P2RY8: variants seen among roughly 807,000 people sequenced by gnomAD.
P2RY8 encodes the protein P2Y receptor family member 8.
Under a neutral mutation model 10.0 loss-of-function variants are expected in P2RY8, and 6 were observed. The ratio of observed to expected loss-of-function variants is 0.60; its 90% CI spans 0.33 to 1.19. The LOEUF (loss-of-function observed/expected upper bound fraction) is 1.19, where lower values mean the gene tolerates loss of function less well. P2RY8 is among the 50% of genes most tolerant of loss of function. The pLI, the probability that P2RY8 is intolerant of heterozygous loss-of-function variation, is 0.04. For synonymous variants in P2RY8, 276 were observed against 252.5 expected (o/e 1.09, Z -0.88); for missense variants, 456 against 542.0 (o/e 0.84, Z 1.58).
chrX:1,507,758 A>C (rs1402113486), intron 1 of P2RY8, among the ~76,000 whole-genome samples: 2 of 152,120 alleles, frequency 1.3e-5, no homozygotes, highest in Non-Finnish European at 1.5e-5. Context: ...TTCTGGGTAC[A>C]CTACCCCTGT....
At chrX:1,497,519 A>G (rs1397933610) in intron 1 of P2RY8, among the ~76,000 whole-genome samples, 2 of 146,698 alleles carry the variant, frequency 1.4e-5, no homozygotes, top group South Asian at 2.2e-4. Flanking sequence ...TTAGCCGGGC[A>G]TGGTGGCGGG....
chrX:1,470,099 C>G (rs186771304), intron 1 of P2RY8, among the ~76,000 whole-genome samples: 3 of 152,266 alleles, frequency 2.0e-5, no homozygotes, highest in Admixed American at 2.0e-4. Flanking sequence ...TGGCTCACAC[C>G]TGTAATTCCA....
intron 1 of P2RY8, among the ~76,000 whole-genome samples, chrX:1,499,925 C>T (rs1412582603): frequency 4.0e-5 from 6 of 151,272 alleles, no homozygotes; most frequent in Non-Finnish European, 8.9e-5. Flanking sequence ...GTGGTGTGAT[C>T]TCAGCTCACT....
At chrX:1,468,724 T>C (rs5990002) in intron 1 of P2RY8, among the ~76,000 whole-genome samples, 7,158 of 118,448 alleles carry the variant, frequency 0.06, 244 homozygotes, top group Non-Finnish European at 0.085. Flanking sequence ...GGTGGGACCC[T>C]CCTCTCCTCT....
chrX:1,504,188 C>T (rs1173652158), intron 1 of P2RY8, among the ~76,000 whole-genome samples: 5 of 151,836 alleles, frequency 3.3e-5, no homozygotes, highest in South Asian at 4.2e-4. Flanking sequence ...TAGTTGCAGG[C>T]GCCTGTAGTC....
chrX:1,470,954 A>T (rs2091777028), intron 1 of P2RY8, among the ~76,000 whole-genome samples: 2 of 150,506 alleles, frequency 1.3e-5, no homozygotes, highest in African/African-American at 2.5e-5. Context: ...CTCCTGCCTC[A>T]GCCTCCCAAG....
chrX:1,516,355 T>C (rs368460860), intron 1 of P2RY8, among the ~76,000 whole-genome samples: 23 of 151,104 alleles, frequency 1.5e-4, no homozygotes, highest in East Asian at 9.8e-4. Flanking sequence ...GAGAAGACGG[T>C]GTCTACAAGC....
At chrX:1,503,454 C>A (rs1449303570) in intron 1 of P2RY8, among the ~76,000 whole-genome samples, 2 of 152,160 alleles carry the variant, frequency 1.3e-5, no homozygotes, top group African/African-American at 4.8e-5. Context: ...ATGCCACGAG[C>A]TTTGTTACTT....
intron 1 of P2RY8, among the ~76,000 whole-genome samples, chrX:1,518,698 A>C (rs1195678353): frequency 6.6e-6 from 1 of 150,996 alleles, no homozygotes; most frequent in Non-Finnish European, 1.5e-5. Context: ...AGTCCCCTCA[A>C]ATCTGTTTGG....
chrX:1,465,005 C>T lies in P2RY8; in HGVS notation c.*474G>A, dbSNP rs1307044564. ...GGGACGATGTCAGCAGGGAGAAGAG[C>T]TGGGAATGGGGCTCGCAGTTCGCCC... On this transcript the variant is annotated 3_prime_UTR_variant, in exon 2 of 2. Coordinates refer to ENST00000381297, the MANE Select transcript of P2RY8 (RefSeq NM_178129.5). 1.2e-5 allele frequency: 3 copies of T among 249,682 alleles called. No individual in the cohort carries two copies. Among genetic ancestry groups the T allele is most frequent in the Non-Finnish European group, 2.3e-5 (3 of 128,244 alleles). The allele number at this position is 249,682 out of a possible 1,614,324, so 15.5% of individuals were successfully genotyped here. A position where few individuals can be genotyped will look rare whatever the true frequency, so the allele number is the denominator to read the frequency against.
chrX:1,535,123 C>T (rs1394075385), intron 1 of P2RY8, among the ~76,000 whole-genome samples: 9 of 150,628 alleles, frequency 6.0e-5, no homozygotes, highest in African/African-American at 2.0e-4. Context: ...GCACGTAGGA[C>T]GCTGGCACCT....
intron 1 of P2RY8, among the ~76,000 whole-genome samples, chrX:1,504,589 T>C (rs1167766223): frequency 2.0e-5 from 3 of 152,130 alleles, no homozygotes; most frequent in African/African-American, 2.4e-5. Context: ...CAGTGGCTCA[T>C]GCCTGTCATC....
chrX:1,481,544 A>G (rs1193348438), intron 1 of P2RY8, among the ~76,000 whole-genome samples: 12 of 151,648 alleles, frequency 7.9e-5, no homozygotes, highest in Non-Finnish European at 1.3e-4. Flanking sequence ...GGGTTTAAGG[A>G]GCCCAGCTTT....
chrX:1,478,914 C>G (rs1438747142), intron 1 of P2RY8, among the ~76,000 whole-genome samples: 2 of 152,018 alleles, frequency 1.3e-5, no homozygotes, highest in Non-Finnish European at 2.9e-5. Context: ...TCTGGTGGTC[C>G]CTCCCCACTG....
At chrX:1,536,400 C>T (rs1471803161) in intron 1 of P2RY8, among the ~76,000 whole-genome samples, 2 of 151,804 alleles carry the variant, frequency 1.3e-5, no homozygotes, top group South Asian at 2.1e-4. Context: ...TAGCTGGGAC[C>T]GCAGGCGCCC....
At chrX:1,522,446 A>C (rs1351405510) in intron 1 of P2RY8, among the ~76,000 whole-genome samples, 1 of 152,164 alleles carries the variant, frequency 6.6e-6, no homozygotes, top group Non-Finnish European at 1.5e-5. Context: ...TCAGATGACA[A>C]GGCTCGGAAT....
At chrX:1,508,853 TCATC>T (rs751802821) in intron 1 of P2RY8, among the ~76,000 whole-genome samples, 18,690 of 143,150 alleles carry the variant, frequency 0.13, 203 homozygotes, top group South Asian at 0.22. Flanking sequence ...ATCCATCCAT[TCATC>T]CATCCATCCA....
intron 1 of P2RY8, among the ~76,000 whole-genome samples, chrX:1,502,099 C>T (rs1353667306): frequency 6.6e-6 from 1 of 151,710 alleles, no homozygotes; most frequent in Non-Finnish European, 1.5e-5. Flanking sequence ...TTAGTAGACA[C>T]AGGGTTTTAC....
chrX:1,481,761 A>G, intron 1 of P2RY8, among the ~76,000 whole-genome samples: 1 of 152,066 alleles, frequency 6.6e-6, no homozygotes, highest in East Asian at 1.9e-4. Flanking sequence ...TGTTCTACTG[A>G]CTTCAAAGTG....
Sources: gnomAD v4.1 joint callset for allele counts (sites outside exome capture counted in the v4.1 genomes callset) on GRCh38, gnomAD v4.1.1 for gene constraint, MANE v1.5 for transcripts, NCBI Gene and HGNC (gene_info 2026-07-23, HGNC 2026-07-21) for gene names.